The following ARHGEF10 variants were observed in gnomAD, a reference collection of about 807,000 sequenced individuals.
The protein encoded by ARHGEF10 is Rho guanine nucleotide exchange factor (GEF) 10.
Under a neutral mutation model 147.4 loss-of-function variants are expected in ARHGEF10, and 140 were observed. That is an observed-to-expected ratio of 0.95 (90% confidence interval 0.83 to 1.09). ARHGEF10 has a LOEUF of 1.09. ARHGEF10 is among the 50% of genes least tolerant of loss of function. The pLI is 0.00. For synonymous variants in ARHGEF10, 902 were observed against 695.8 expected, an observed-to-expected ratio of 1.30 and a Z score of -4.67; for missense variants, 2,222 against 1,752.7, an observed-to-expected ratio of 1.27 and a Z score of -4.78.
chr8:1,832,264 G>C (rs1392868068), intron 1 of ARHGEF10, among the ~76,000 whole-genome samples: 1 of 152,190 alleles, frequency 6.6e-6, no homozygotes, highest in African/African-American at 2.4e-5. Flanking sequence ...TGTGTCCAAG[G>C]CTGTGTCGAG....
intron 3 of ARHGEF10, 26 bp from the exon 4 acceptor site, chr8:1,859,871 C>T (rs1805947956): frequency 1.2e-6 from 2 of 1,613,584 alleles, no homozygotes; most frequent in Admixed American, 1.7e-5. Context: ...GATGTGTCTG[C>T]TGACAAGTCC....
intron 4 of ARHGEF10, among the ~76,000 whole-genome samples, chr8:1,863,463 C>A (rs1020302667): frequency 2.0e-5 from 3 of 152,220 alleles, no homozygotes; most frequent in Non-Finnish European, 4.4e-5. Context: ...GATAAATTCC[C>A]TTTAGAAAGT....
chr8:1,940,574 G>T, intron 26 of ARHGEF10, among the ~76,000 whole-genome samples: 1 of 152,140 alleles, frequency 6.6e-6, no homozygotes, highest in Admixed American at 6.5e-5. Flanking sequence ...AGAATTAACA[G>T]TACTCTTTCC....
At chr8:1,945,460 C>A in intron 26 of ARHGEF10, 21 bp from the exon 27 acceptor site, 1 of 1,570,858 alleles carries the variant, frequency 6.4e-7, no homozygotes. Flanking sequence ...GGCTAGCAGA[C>A]TTGACCTCTC....
intron 1 of ARHGEF10, among the ~76,000 whole-genome samples, chr8:1,836,259 T>C (rs535362426): frequency 6.6e-6 from 1 of 151,274 alleles, no homozygotes; most frequent in East Asian, 1.9e-4. Flanking sequence ...AATTGGAAAA[T>C]GACAGCAATC....
At chr8:1,954,365 T>A (rs1815308776) in intron 28 of ARHGEF10, among the ~76,000 whole-genome samples, 1 of 152,128 alleles carries the variant, frequency 6.6e-6, no homozygotes. Flanking sequence ...TGCTCCAAAT[T>A]CTGTGTCGAC....
chr8:1,837,867 C>T (rs1026052047), intron 1 of ARHGEF10, among the ~76,000 whole-genome samples: 1 of 152,182 alleles, frequency 6.6e-6, no homozygotes, highest in African/African-American at 2.4e-5. Context: ...AGGGATACCA[C>T]GTTCCTCATG....
At chr8:1,847,848 T>C (rs1400696500) in intron 2 of ARHGEF10, among the ~76,000 whole-genome samples, 1 of 152,242 alleles carries the variant, frequency 6.6e-6, no homozygotes, top group Non-Finnish European at 1.5e-5. Context: ...TCAAACATGC[T>C]CTTCCAAGCC....
At chr8:1,866,407 A>G (rs777790169) in intron 5 of ARHGEF10, 119 bp from the exon 6 acceptor site, 63 of 815,252 alleles carry the variant, frequency 7.7e-5, no homozygotes, top group South Asian at 1.4e-4. Context: ...ATAGTAACAT[A>G]TATATATATA....
At chr8:1,884,764 G>A (rs561430749) in intron 10 of ARHGEF10, among the ~76,000 whole-genome samples, 19 of 152,176 alleles carry the variant, frequency 1.2e-4, no homozygotes, top group African/African-American at 4.6e-4. Flanking sequence ...AATGAATGTA[G>A]GCGTTTTCTT....
chr8:1,845,242 C>G (rs373390362), intron 2 of ARHGEF10, among the ~76,000 whole-genome samples: 10 of 152,242 alleles, frequency 6.6e-5, no homozygotes, highest in African/African-American at 2.2e-4. Flanking sequence ...TGGGCGTCAT[C>G]CTGTGGCCTT....
intron 1 of ARHGEF10, among the ~76,000 whole-genome samples, chr8:1,828,860 C>T (rs1425111583): frequency 2.0e-5 from 3 of 152,062 alleles, no homozygotes; most frequent in South Asian, 4.2e-4. Context: ...CTGTGGCATG[C>T]GCACTTACTG....
chr8:1,834,447 G>C (rs1322031020), intron 1 of ARHGEF10, among the ~76,000 whole-genome samples: 3 of 152,178 alleles, frequency 2.0e-5, no homozygotes, highest in African/African-American at 4.8e-5. Context: ...GGAGAGAGGG[G>C]CTGCTGGGTG....
chr8:1,895,973 G>A (rs1809939255), intron 13 of ARHGEF10, among the ~76,000 whole-genome samples: 1 of 152,188 alleles, frequency 6.6e-6, no homozygotes, highest in South Asian at 2.1e-4. Context: ...GGAATGAGTT[G>A]CATGACTTTC....
Position 1,880,065 on chromosome 8 carries a change from C to A in ARHGEF10, c.861C>A (p.Thr287=). 1 of 1,613,286 alleles carries A rather than the reference C, an allele frequency of 6.2e-7. No individual in the cohort carries two copies. Among genetic ancestry groups the A allele is most frequent in the Non-Finnish European group, 8.5e-7 (1 of 1,179,254 alleles). The stretch of plus-strand genomic sequence containing the variant: ...TGCTGTAGCTTTCTCATGACCTAAC[C>A]CGTTTAAAGGAGCACTATGAGAAAA... ...NHKKQLSHDL[T]RLKEHYEKKM... The change falls in exon 9 of 29, where the codon ACC becomes ACA. Residue 287 remains threonine, a synonymous_variant. Transcript: ENST00000349830.
intron 1 of ARHGEF10, among the ~76,000 whole-genome samples, chr8:1,839,782 G>A (rs1803855731): frequency 6.7e-6 from 1 of 148,776 alleles, no homozygotes; most frequent in Non-Finnish European, 1.5e-5. Context: ...GTCTGGTGTG[G>A]GTACTGTCTG....
At chr8:1,888,016 T>C (rs1490420358) in intron 11 of ARHGEF10, among the ~76,000 whole-genome samples, 5 of 139,030 alleles carry the variant, frequency 3.6e-5, no homozygotes, top group Admixed American at 1.5e-4. Flanking sequence ...GTGAGCTTTG[T>C]TAGGAGGCAC....
chr8:1,896,488 C>G (rs1262669817), intron 14 of ARHGEF10, 39 bp downstream of exon 14: 2 of 1,379,198 alleles, frequency 1.5e-6, no homozygotes, highest in Non-Finnish European at 2.1e-6. Flanking sequence ...TTAACACCAT[C>G]TGATAACAAG....
At chr8:1,854,206 T>G (rs1805373986) in intron 2 of ARHGEF10, among the ~76,000 whole-genome samples, 1 of 152,214 alleles carries the variant, frequency 6.6e-6, no homozygotes, top group Non-Finnish European at 1.5e-5. Context: ...CACACCACCT[T>G]GAACGCCCGG....
Sources: gnomAD v4.1 joint callset for allele counts (sites outside exome capture counted in the v4.1 genomes callset) on GRCh38, gnomAD v4.1.1 for gene constraint, MANE v1.5 for transcripts, NCBI Gene and HGNC (gene_info 2026-07-23, HGNC 2026-07-21) for gene names.